PEPD: variants seen among roughly 807,000 people sequenced by gnomAD.
PEPD encodes the protein peptidase D.
In PEPD, 53 loss-of-function variants were observed where a neutral mutation model predicts 60.7. The ratio of observed to expected loss-of-function variants is 0.87; its 90% CI spans 0.70 to 1.10. The LOEUF (loss-of-function observed/expected upper bound fraction) is 1.10. Among genes scored for constraint, PEPD ranks in the 50% least tolerant of loss-of-function variants. The pLI is 0.00. For missense variants in PEPD, 711 were observed against 711.9 expected (o/e 1.00, Z 0.01); for synonymous variants, 267 against 284.1 (o/e 0.94, Z 0.60).
At chr19:33,516,491 A>G (rs962076564) in intron 1 of PEPD, among the ~76,000 whole-genome samples, 9 of 152,044 alleles carry the variant, frequency 5.9e-5, no homozygotes, top group Non-Finnish European at 7.4e-5. Flanking sequence ...AAGACCCAGT[A>G]AGCAGCCCAG....
chr19:33,483,914 T>C (rs901537265), intron 6 of PEPD, among the ~76,000 whole-genome samples: 4 of 152,156 alleles, frequency 2.6e-5, no homozygotes, highest in Non-Finnish European at 5.9e-5. Flanking sequence ...CCTCCTGTCC[T>C]CCTGCCAGCC....
rs567807114 is a variant in PEPD at position 33,445,972 on chromosome 19, G to A, written c.671+17023C>T. Reference sequence around the variant, plus strand: ...GAAATCCACGACCTCTAGCCTGCCTGCCCCTGCCCCCACCACCAAGGAAGG... The same window carrying A: ...GAAATCCACGACCTCTAGCCTGCCTACCCCTGCCCCCACCACCAAGGAAGG... On this transcript the variant is annotated intron_variant, in intron 9 of 14. Coordinates refer to ENST00000244137, the MANE Select transcript of PEPD (RefSeq NM_000285.4). Among the ~76,000 whole-genome samples the A allele has an allele frequency of 2.0e-5, 3 of 152,166 alleles. No individual in the cohort carries two copies. In the East Asian group the frequency reaches 5.8e-4, roughly 29 times the overall value.
intron 9 of PEPD, among the ~76,000 whole-genome samples, chr19:33,453,870 T>C (rs116420716): frequency 0.013 from 1,960 of 152,262 alleles, 46 homozygotes; most frequent in African/African-American, 0.044. Flanking sequence ...AGAACACTAG[T>C]CTCTGGGGAC....
At chr19:33,492,866 A>G (rs1032570878) in intron 5 of PEPD, among the ~76,000 whole-genome samples, 1 of 152,060 alleles carries the variant, frequency 6.6e-6, no homozygotes, top group Non-Finnish European at 1.5e-5. Context: ...ACTGATGACC[A>G]TTCCTCTTGG....
chr19:33,510,504 C>T (rs1003655473), intron 3 of PEPD, among the ~76,000 whole-genome samples: 2 of 152,218 alleles, frequency 1.3e-5, no homozygotes, highest in Non-Finnish European at 2.9e-5. Context: ...ACATAGCCCA[C>T]TAAAAAGCTG....
At chr19:33,470,679 T>A (rs11671383) in intron 7 of PEPD, among the ~76,000 whole-genome samples, 11,394 of 152,240 alleles carry the variant, frequency 0.075, 525 homozygotes, top group Non-Finnish European at 0.11. Context: ...CTATGTGTCA[T>A]CAAAGCTACC....
At chr19:33,454,344 G>A (rs1969756267) in intron 9 of PEPD, among the ~76,000 whole-genome samples, 1 of 152,214 alleles carries the variant, frequency 6.6e-6, no homozygotes, top group Admixed American at 6.5e-5. Flanking sequence ...GCTCACACCT[G>A]TAATCCCAGC....
At chr19:33,397,363 G>A (rs896117138) in intron 12 of PEPD, among the ~76,000 whole-genome samples, 2 of 152,224 alleles carry the variant, frequency 1.3e-5, no homozygotes, top group Admixed American at 1.3e-4. Flanking sequence ...GGCAGTCTCG[G>A]TGGGGTGTTT....
At chr19:33,516,930 C>T (rs561428582) in intron 1 of PEPD, among the ~76,000 whole-genome samples, 2 of 152,204 alleles carry the variant, frequency 1.3e-5, no homozygotes, top group East Asian at 1.9e-4. Context: ...TTGGGCCAGG[C>T]GCAGTGGCTC....
At chr19:33,450,032 C>T (rs1054094927) in intron 9 of PEPD, among the ~76,000 whole-genome samples, 1 of 152,234 alleles carries the variant, frequency 6.6e-6, no homozygotes, top group African/African-American at 2.4e-5. Context: ...GCAGACCAGC[C>T]TTGCTGGTGG....
chr19:33,467,315 G>T (rs569912291), intron 7 of PEPD, among the ~76,000 whole-genome samples: 1 of 151,942 alleles, frequency 6.6e-6, no homozygotes, highest in South Asian at 2.1e-4. Flanking sequence ...CATAGACCAC[G>T]GTCACAGTCA....
chr19:33,469,074 T>G (rs1009547253), intron 7 of PEPD, among the ~76,000 whole-genome samples: 5 of 152,098 alleles, frequency 3.3e-5, no homozygotes, highest in African/African-American at 1.2e-4. Flanking sequence ...CTCTCTTCTC[T>G]CAAATGCAGT....
chr19:33,424,082 G>T (rs1390724387), intron 9 of PEPD, among the ~76,000 whole-genome samples: 1 of 152,222 alleles, frequency 6.6e-6, no homozygotes, highest in African/African-American at 2.4e-5. Context: ...GGTGGTTGGG[G>T]GCTGCGCCTG....
chr19:33,391,774 G>A (rs963268323), intron 12 of PEPD, among the ~76,000 whole-genome samples: 1 of 152,228 alleles, frequency 6.6e-6, no homozygotes, highest in African/African-American at 2.4e-5. Context: ...GGTCTACTCT[G>A]TAGCCCATGG....
intron 9 of PEPD, among the ~76,000 whole-genome samples, chr19:33,442,720 A>T (rs567708081): frequency 7.6e-4 from 116 of 151,994 alleles, no homozygotes; most frequent in Non-Finnish European, 1.2e-3. Flanking sequence ...ATAAATAAAT[A>T]AATTAATTAA....
chr19:33,475,256 G>A (rs1163440914), intron 7 of PEPD, among the ~76,000 whole-genome samples: 3 of 151,988 alleles, frequency 2.0e-5, no homozygotes, highest in Admixed American at 1.3e-4. Context: ...AGAGGGTGGT[G>A]AAGGCATTCA....
chr19:33,460,052 G>C (rs934173665), intron 9 of PEPD, among the ~76,000 whole-genome samples: 1 of 152,296 alleles, frequency 6.6e-6, no homozygotes, highest in Non-Finnish European at 1.5e-5. Flanking sequence ...CCTGGTAGCA[G>C]TTGAGCCTGT....
intron 9 of PEPD, among the ~76,000 whole-genome samples, chr19:33,415,952 A>G (rs1049428695): frequency 6.6e-6 from 1 of 152,238 alleles, no homozygotes. Context: ...TTTGGTGGCA[A>G]TAACAGGTGG....
At chr19:33,488,132 G>C (rs1453181294) in intron 6 of PEPD, among the ~76,000 whole-genome samples, 1 of 152,084 alleles carries the variant, frequency 6.6e-6, no homozygotes, top group African/African-American at 2.4e-5. Context: ...CGCTGAGAAG[G>C]CCCTCGACTC....
Sources: gnomAD v4.1 joint callset for allele counts (sites outside exome capture counted in the v4.1 genomes callset) on GRCh38, gnomAD v4.1.1 for gene constraint, MANE v1.5 for transcripts, NCBI Gene and HGNC (gene_info 2026-07-23, HGNC 2026-07-21) for gene names.